Variants in DISP1 observed in about 807,000 individuals in gnomAD.
The protein encoded by DISP1 is dispatched RND transporter family member 1.
In DISP1, 30 loss-of-function variants were observed where a neutral mutation model predicts 37.3. The observed-to-expected ratio is 0.80, with a 90% CI of 0.60 to 1.09. DISP1 has a LOEUF of 1.09. DISP1 is among the 50% of genes least tolerant of loss of function. The probability of loss-of-function intolerance (pLI) is 0.00; values close to 1 mark genes in which losing one functional copy is unlikely to be tolerated. For synonymous variants in DISP1, 634 were observed against 690.2 expected (o/e 0.92, Z 1.28); for missense variants, 1,598 against 1,879.5 (o/e 0.85, Z 2.77).
intron 1 of DISP1, among the ~76,000 whole-genome samples, chr1:222,872,982 CTTG>C (rs1310194668): frequency 6.6e-6 from 1 of 152,098 alleles, no homozygotes; most frequent in Non-Finnish European, 1.5e-5. Context: ...TGTCTTTGTT[CTTG>C]TTGGTTTCAA....
intron 3 of DISP1, among the ~76,000 whole-genome samples, chr1:222,970,781 G>T (rs1676880614): frequency 6.6e-6 from 1 of 152,076 alleles, no homozygotes; most frequent in Non-Finnish European, 1.5e-5. Flanking sequence ...CTTAGAATTT[G>T]TTTCTAAAAG....
intron 1 of DISP1, among the ~76,000 whole-genome samples, chr1:222,841,740 A>G (rs1454023575): frequency 6.6e-6 from 1 of 152,192 alleles, no homozygotes; most frequent in African/African-American, 2.4e-5. Context: ...TATTATAAGC[A>G]TATTTGATGT....
intron 3 of DISP1, among the ~76,000 whole-genome samples, chr1:222,971,349 C>G (rs2789911): frequency 0.087 from 13,265 of 151,764 alleles, 867 homozygotes; most frequent in Non-Finnish European, 0.13. Flanking sequence ...ATTGGTTACA[C>G]CGTTGGAGTT....
chr1:222,951,422 T>G (rs970626794), intron 3 of DISP1, among the ~76,000 whole-genome samples: 5 of 152,216 alleles, frequency 3.3e-5, no homozygotes, highest in Admixed American at 2.0e-4. Context: ...AGACAAGAAT[T>G]CTACCACCAG....
intron 1 of DISP1, among the ~76,000 whole-genome samples, chr1:222,877,032 C>G (rs368196802): frequency 6.6e-6 from 1 of 152,040 alleles, no homozygotes; most frequent in African/African-American, 2.4e-5. Flanking sequence ...GAGAAAGAAC[C>G]AGGCCTCTGG....
chr1:223,003,274 A>AAATTTGCTAACTATGTTAG lies in DISP1; in HGVS notation c.1877_1878insAATTTGCTAACTATGTTAG (p.Asn626LysfsTer4). The AAATTTGCTAACTATGTTAG allele has an allele frequency of 6.2e-7, 1 of 1,614,222 alleles. No homozygotes were observed. The highest frequency in any genetic ancestry group is 8.5e-7 in the Non-Finnish European group (1 of 1,180,016). On this transcript the variant is annotated stop_gained and frameshift_variant, in exon 9 of 9. Coordinates refer to ENST00000675850, the MANE Select transcript of DISP1 (RefSeq NM_001377229.1). LOFTEE classifies it low-confidence loss of function (END_TRUNC). The surrounding 1 kb of genome is among the most constrained non-coding windows in gnomAD (Gnocchi z 4.3). ...GCCTTTTATGCTAACTATGTTAGCA[A>AAATTTGCTAACTATGTTAG]CATTACAGCAATCCGATGCTTTGGG...
chr1:222,904,084 T>C (rs558073619), intron 1 of DISP1, among the ~76,000 whole-genome samples: 1 of 152,362 alleles, frequency 6.6e-6, no homozygotes, highest in South Asian at 2.1e-4. Flanking sequence ...CTTATTCATT[T>C]CCCTAATTGG....
chr1:222,984,458 A>AGAGAGC (rs1194898099), intron 4 of DISP1, among the ~76,000 whole-genome samples: 1 of 140,960 alleles, frequency 7.1e-6, no homozygotes, highest in Non-Finnish European at 1.5e-5. Context: ...AGAGAGAGAG[A>AGAGAGC]GCGTACTCAT....
intron 1 of DISP1, among the ~76,000 whole-genome samples, chr1:222,816,949 G>A (rs957874651): frequency 1.3e-5 from 2 of 152,152 alleles, no homozygotes; most frequent in Admixed American, 6.5e-5. Flanking sequence ...TGGTTTTTGA[G>A]AAATAAAGCA....
chr1:222,838,864 C>T (rs1402515165), intron 1 of DISP1, among the ~76,000 whole-genome samples: 1 of 152,222 alleles, frequency 6.6e-6, no homozygotes, highest in Non-Finnish European at 1.5e-5. Context: ...TTTCATCTCT[C>T]TCCAAATATA....
At chr1:222,929,308 G>A (rs1253220260) in intron 2 of DISP1, among the ~76,000 whole-genome samples, 1 of 152,022 alleles carries the variant, frequency 6.6e-6, no homozygotes, top group Non-Finnish European at 1.5e-5. Context: ...TAATTTATTT[G>A]CAACTGGTGG....
intron 3 of DISP1, among the ~76,000 whole-genome samples, chr1:222,974,097 A>G (rs1677147298): frequency 6.6e-6 from 1 of 152,216 alleles, no homozygotes; most frequent in South Asian, 2.1e-4. Flanking sequence ...GTGCTGATGA[A>G]TAAAGGGACT....
intron 3 of DISP1, among the ~76,000 whole-genome samples, chr1:222,977,756 A>G (rs1027105870): frequency 1.3e-5 from 2 of 151,754 alleles, no homozygotes; most frequent in Admixed American, 6.6e-5. Flanking sequence ...TCATTGTTCA[A>G]TTCCCACCTA....
At chr1:222,939,704 C>T (rs1331125542) in intron 2 of DISP1, among the ~76,000 whole-genome samples, 2 of 151,792 alleles carry the variant, frequency 1.3e-5, no homozygotes, top group African/African-American at 4.8e-5. Flanking sequence ...GTGGCACACA[C>T]CTGTGATCCC....
rs534010065 is a variant in DISP1, at chr1:222,837,050, G to A, written c.-159+21972G>A. The A allele has an allele frequency of 2.6e-4, 104 of 398,524 alleles. 1 individual carries two copies. The Admixed American group carries it at 2.9e-3, about 11-fold the overall frequency. 24.7% of individuals were successfully genotyped at this position (398,524 alleles called of 1,614,324 possible). ...TAAGCTAGCCCATGACTACACAAGT[G>A]CAACTGTATTTCCCAGGTAGATGCC... On this transcript the variant is annotated intron_variant, in intron 1 of 8. Transcript: ENST00000675850.
intron 1 of DISP1, among the ~76,000 whole-genome samples, chr1:222,881,222 T>C (rs564322525): frequency 6.6e-6 from 1 of 152,278 alleles, no homozygotes; most frequent in South Asian, 2.1e-4. Flanking sequence ...TGAGACACAG[T>C]TTTGCTCTTG....
intron 3 of DISP1, 143 bp from the exon 4 acceptor site, chr1:222,982,937 C>CT: frequency 1.6e-6 from 1 of 632,210 alleles, no homozygotes; most frequent in Admixed American, 3.1e-5. Flanking sequence ...AAATAGATTG[C>CT]CTTTTTTTTT....
intron 8 of DISP1, among the ~76,000 whole-genome samples, chr1:222,995,714 C>T (rs1679015379): frequency 6.6e-6 from 1 of 152,156 alleles, no homozygotes; most frequent in South Asian, 2.1e-4. Flanking sequence ...TATCTGATGT[C>T]ACTAATGAAC....
intron 1 of DISP1, among the ~76,000 whole-genome samples, chr1:222,846,215 G>T (rs772603338): frequency 1.3e-5 from 2 of 152,244 alleles, no homozygotes; most frequent in Non-Finnish European, 2.9e-5. Flanking sequence ...GAAAAGGCCA[G>T]ATGTGGTGGA....
Sources: gnomAD v4.1 joint callset for allele counts (sites outside exome capture counted in the v4.1 genomes callset) on GRCh38, gnomAD v4.1.1 for gene constraint, Gnocchi (gnomAD v3.1) non-coding constraint, MANE v1.5 for transcripts, NCBI Gene and HGNC (gene_info 2026-07-23, HGNC 2026-07-21) for gene names.